The following SPEF2 variants were observed in gnomAD, a reference collection of about 807,000 sequenced individuals.
The protein encoded by SPEF2 is sperm flagellar and cilia associated 2, also known as sperm flagella and cilia-associated protein 2.
Under a neutral mutation model 224.6 loss-of-function variants are expected in SPEF2, and 187 were observed. That is an observed-to-expected ratio of 0.83 (90% CI 0.74 to 0.94). The LOEUF is 0.94. Among genes scored for constraint, SPEF2 ranks in the 40% least tolerant of loss-of-function variants. The pLI is 0.00. For missense variants in SPEF2, 2,170 were observed against 2,135.6 expected, an observed-to-expected ratio of 1.02 and a Z score of -0.32; for synonymous variants, 715 against 707.3, an observed-to-expected ratio of 1.01 and a Z score of -0.17.
rs1747861536 is a variant in SPEF2, at chr5:35,649,343, G to A, written c.727-18G>A. On this transcript the variant is annotated intron_variant, in intron 5 of 36. Transcript: ENST00000356031. ...TGGTTTTTAGAGGCAGAGAACTGAT[G>A]ATGAATTTTCTTTAAAGGATGTGGC... is the stretch of plus-strand genomic sequence containing the variant. 1 of 1,600,700 alleles carries A rather than the reference G, an allele frequency of 6.2e-7. No individual in the cohort carries two copies. The highest frequency in any genetic ancestry group is 1.1e-5 in the South Asian group (1 of 88,502).
At chr5:35,644,296 T>C (rs1199827492) in intron 3 of SPEF2, 59 bp from the exon 4 acceptor site, 1 of 1,326,480 alleles carries the variant, frequency 7.5e-7, no homozygotes, top group East Asian at 2.6e-5. Context: ...TTTGTGCTTA[T>C]AATGAAAATG....
chr5:35,667,165 C>G lies in SPEF2; in HGVS notation c.1261C>G (p.Arg421Gly). The change falls in exon 9 of 37, where the codon CGT becomes GGT. Residue 421 changes from arginine to glycine, a missense_variant. Transcript: ENST00000356031. ...DQIAVERAQA[R>G]YEKHYSVCAE... ...GATTGCTGTGGAAAGAGCTCAAGCT[C>G]GTTATGAAAAGCATTATTCAGTATG... 1 of 1,612,326 alleles carries G rather than the reference C, an allele frequency of 6.2e-7. No individual in the cohort carries two copies. The highest frequency in any genetic ancestry group is 8.5e-7 in the Non-Finnish European group (1 of 1,179,286).
rs1447266658 is a variant in SPEF2 at position 35,762,105 on chromosome 5, CTTAG to C, written c.3621-1413_3621-1410del. Among the ~76,000 whole-genome samples the C allele has an allele frequency of 3.9e-5, 6 of 152,112 alleles. 1 individual carries two copies. In the East Asian group the frequency reaches 1.2e-3, roughly 29 times the overall value. On this transcript the variant is annotated intron_variant, in intron 25 of 36. Coordinates refer to ENST00000356031, the MANE Select transcript of SPEF2 (RefSeq NM_024867.4). ...ATTATTCACAATGATAGTAATAACT[CTTAG>C]TTAATAATGAATACTTATCATAATA...
intron 26 of SPEF2, among the ~76,000 whole-genome samples, chr5:35,771,399 A>G (rs1480286913): frequency 1.3e-5 from 2 of 152,170 alleles, no homozygotes; most frequent in African/African-American, 4.8e-5. Context: ...GCCTCCACAT[A>G]GATGGTGGAA....
chr5:35,658,681 A>C (rs1749290233), intron 7 of SPEF2, among the ~76,000 whole-genome samples: 3 of 152,082 alleles, frequency 2.0e-5, no homozygotes, highest in Admixed American at 2.0e-4. Context: ...AGATTATTTC[A>C]TCACCCAGAT....
intron 10 of SPEF2, among the ~76,000 whole-genome samples, chr5:35,678,884 A>T (rs1454693148): frequency 6.6e-6 from 1 of 152,114 alleles, no homozygotes; most frequent in Non-Finnish European, 1.5e-5. Context: ...ACACAGCTGA[A>T]CTCCCCTTAG....
At chr5:35,619,927 A>G (rs1743267630) in intron 1 of SPEF2, among the ~76,000 whole-genome samples, 1 of 152,180 alleles carries the variant, frequency 6.6e-6, no homozygotes, top group South Asian at 2.1e-4. Context: ...TAGGCTATGG[A>G]TAGAAAATTC....
intron 10 of SPEF2, among the ~76,000 whole-genome samples, chr5:35,690,670 T>C (rs1001440452): frequency 6.6e-6 from 1 of 152,076 alleles, no homozygotes; most frequent in Non-Finnish European, 1.5e-5. Flanking sequence ...TTTAAAATAT[T>C]ATAAAATAAA....
At chr5:35,686,801 G>C (rs907414082) in intron 10 of SPEF2, among the ~76,000 whole-genome samples, 3 of 151,680 alleles carry the variant, frequency 2.0e-5, no homozygotes, top group African/African-American at 7.3e-5. Context: ...CCATTTTTCT[G>C]TTATTTTTAT....
intron 31 of SPEF2, 79 bp from the exon 32 acceptor site, chr5:35,793,080 C>T (rs181283381): frequency 3.0e-6 from 4 of 1,316,376 alleles, no homozygotes; most frequent in Admixed American, 2.1e-5. Context: ...GGGAAACTCT[C>T]ACTATGAAAA....
chr5:35,672,898 T>C (rs912111507), intron 10 of SPEF2, among the ~76,000 whole-genome samples: 1 of 152,206 alleles, frequency 6.6e-6, no homozygotes, highest in African/African-American at 2.4e-5. Flanking sequence ...TTTTAAATAT[T>C]GTACCTAGAA....
At chr5:35,741,223 AG>A in intron 23 of SPEF2, among the ~76,000 whole-genome samples, 1 of 152,356 alleles carries the variant, frequency 6.6e-6, no homozygotes, top group East Asian at 1.9e-4. Flanking sequence ...GTAGAGAGCA[AG>A]AAAGCAAAGC....
chr5:35,792,534 A>G (rs1756111407), intron 31 of SPEF2, 88 bp downstream of exon 31: 5 of 1,049,420 alleles, frequency 4.8e-6, no homozygotes, highest in South Asian at 1.6e-5. Context: ...GAGTACTTGC[A>G]TAGTGTCTGA....
At chr5:35,792,818 T>G (rs1162628794) in intron 31 of SPEF2, among the ~76,000 whole-genome samples, 1 of 152,240 alleles carries the variant, frequency 6.6e-6, no homozygotes, top group East Asian at 1.9e-4. Flanking sequence ...TTAAAGAGCA[T>G]TCCCCCATGG....
intron 36 of SPEF2, among the ~76,000 whole-genome samples, chr5:35,811,715 T>C (rs1459964979): frequency 6.6e-6 from 1 of 151,518 alleles, no homozygotes; most frequent in Admixed American, 6.6e-5. Flanking sequence ...TATGAGATAC[T>C]ACTACTACTA....
intron 34 of SPEF2, 99 bp from the exon 35 acceptor site, chr5:35,806,608 A>G (rs1241668412): frequency 1.3e-5 from 19 of 1,443,844 alleles, no homozygotes; most frequent in Non-Finnish European, 1.8e-5. Context: ...TCTGTCATTC[A>G]TGAAAAGTGT....
intron 26 of SPEF2, among the ~76,000 whole-genome samples, chr5:35,771,354 G>A (rs1396648426): frequency 6.6e-6 from 1 of 152,128 alleles, no homozygotes; most frequent in Non-Finnish European, 1.5e-5. Flanking sequence ...GGAAACGTAA[G>A]GATGATTTGC....
At chr5:35,730,718 G>A (rs1745507483) in intron 21 of SPEF2, among the ~76,000 whole-genome samples, 1 of 152,190 alleles carries the variant, frequency 6.6e-6, no homozygotes, top group South Asian at 2.1e-4. Flanking sequence ...TACTAATAAA[G>A]GAGGTGTAAT....
intron 10 of SPEF2, among the ~76,000 whole-genome samples, chr5:35,685,372 C>T (rs776071871): frequency 1.3e-5 from 2 of 152,050 alleles, no homozygotes; most frequent in South Asian, 4.1e-4. Flanking sequence ...ATAGCACTTA[C>T]CAAAGTTGAC....
Sources: allele counts gnomAD v4.1 joint callset (sites outside exome capture counted in the v4.1 genomes callset), GRCh38; gene constraint gnomAD v4.1.1; transcripts MANE v1.5; gene names NCBI Gene and HGNC (gene_info 2026-07-23, HGNC 2026-07-21).